The following CCDC171 variants were observed in gnomAD, a reference collection of about 807,000 sequenced individuals.
CCDC171 encodes coiled-coil domain containing 171.
Under a neutral mutation model 168.2 loss-of-function variants are expected in CCDC171, and 177 were observed. That is an observed-to-expected ratio of 1.05 (90% CI 0.93 to 1.19). CCDC171 has a LOEUF of 1.19. Among genes scored for constraint, CCDC171 ranks in the 50% most tolerant of loss-of-function variants. CCDC171 has a pLI of 0.00. For missense variants in CCDC171, 1,991 were observed against 1,539.0 expected (o/e 1.29, Z -4.91); for synonymous variants, 687 against 540.8 (o/e 1.27, Z -3.75).
intron 6 of CCDC171, among the ~76,000 whole-genome samples, chr9:15,614,296 C>G (rs760915422): frequency 1.3e-5 from 2 of 152,188 alleles, no homozygotes; most frequent in Non-Finnish European, 2.9e-5. Flanking sequence ...CTGTTCTTCT[C>G]TCCTTCCCCA....
chr9:15,703,699 G>A (rs1157280905), intron 11 of CCDC171, among the ~76,000 whole-genome samples: 3 of 152,182 alleles, frequency 2.0e-5, no homozygotes, highest in East Asian at 3.8e-4. Context: ...ATTGTGAATA[G>A]CACTGCAGTT....
At chr9:15,568,264 C>T (rs1381574638) in intron 2 of CCDC171, among the ~76,000 whole-genome samples, 1 of 145,854 alleles carries the variant, frequency 6.9e-6, no homozygotes, top group Non-Finnish European at 1.5e-5. Flanking sequence ...ATCTCCAATA[C>T]ATCTTTTTTT....
intron 7 of CCDC171, among the ~76,000 whole-genome samples, chr9:15,625,749 G>A (rs573917090): frequency 4.6e-5 from 7 of 152,238 alleles, no homozygotes; most frequent in East Asian, 1.9e-4. Flanking sequence ...GTCAGGTAGC[G>A]TGATGCCTCC....
intron 25 of CCDC171, among the ~76,000 whole-genome samples, chr9:15,929,618 C>G (rs1448815986): frequency 6.6e-6 from 1 of 151,740 alleles, no homozygotes; most frequent in Non-Finnish European, 1.5e-5. Context: ...ATCTCTTAGA[C>G]CCATCCTCTT....
At chr9:16,041,578 T>C (rs10738425), upstream of CCDC171, among the ~76,000 whole-genome samples, 61,511 of 152,094 alleles carry the variant, frequency 0.4, 14,031 homozygotes, top group East Asian at 0.73. Flanking sequence ...TAATTTATAT[T>C]TCTGAAATGT....
intron 24 of CCDC171, among the ~76,000 whole-genome samples, chr9:15,900,150 A>C (rs1175967400): frequency 6.6e-6 from 1 of 152,200 alleles, no homozygotes; most frequent in Non-Finnish European, 1.5e-5. Flanking sequence ...ATACCAGTAA[A>C]TGTAATGGAT....
chr9:15,663,608 CTT>C (rs56022914), intron 8 of CCDC171, among the ~76,000 whole-genome samples: 235 of 123,200 alleles, frequency 1.9e-3, no homozygotes, highest in Middle Eastern at 4.1e-3. Context: ...CTTTTTTTTT[CTT>C]TTTTTTTTTT....
chr9:15,554,694 C>G (rs1025872974), intron 1 of CCDC171, among the ~76,000 whole-genome samples: 1 of 152,110 alleles, frequency 6.6e-6, no homozygotes, highest in African/African-American at 2.4e-5. Context: ...GATTATGTAC[C>G]TATGCTGAGA....
chr9:15,682,907 A>G (rs2050134183), intron 10 of CCDC171, among the ~76,000 whole-genome samples: 1 of 152,018 alleles, frequency 6.6e-6, no homozygotes, highest in Non-Finnish European at 1.5e-5. Context: ...ATGCTGACTG[A>G]TCATGCTTAT....
chr9:15,582,246 T>C (rs2041182973), intron 4 of CCDC171, among the ~76,000 whole-genome samples: 1 of 152,250 alleles, frequency 6.6e-6, no homozygotes, highest in Admixed American at 6.5e-5. Context: ...TCACACCAGT[T>C]AGAATGGGGT....
intron 20 of CCDC171, among the ~76,000 whole-genome samples, chr9:15,780,259 A>G (rs1439514972): frequency 6.6e-6 from 1 of 152,220 alleles, no homozygotes; most frequent in Non-Finnish European, 1.5e-5. Flanking sequence ...TAAAGACACC[A>G]TAATTTTTCC....
At chr9:15,649,085 G>A (rs1302019994) in intron 7 of CCDC171, among the ~76,000 whole-genome samples, 1 of 152,032 alleles carries the variant, frequency 6.6e-6, no homozygotes, top group Admixed American at 6.6e-5. Flanking sequence ...GCTCTCAGAA[G>A]TAATACCACA....
At chr9:15,788,481 T>C (rs2135546208) in intron 21 of CCDC171, among the ~76,000 whole-genome samples, 1 of 126,444 alleles carries the variant, frequency 7.9e-6, no homozygotes, top group South Asian at 3.0e-4. Context: ...AATAAGATCA[T>C]GAGTAGAAGA....
At chr9:15,788,923 G>T (rs2058106528) in intron 21 of CCDC171, among the ~76,000 whole-genome samples, 1 of 151,974 alleles carries the variant, frequency 6.6e-6, no homozygotes, top group African/African-American at 2.4e-5. Context: ...ATGGCCTTTT[G>T]TTTTAATACA....
intron 24 of CCDC171, among the ~76,000 whole-genome samples, chr9:15,919,623 T>A (rs767275276): frequency 9.9e-5 from 15 of 151,650 alleles, no homozygotes; most frequent in Non-Finnish European, 1.8e-4. Context: ...TAAAATATGA[T>A]TAAACTGTGA....
chr9:15,880,964 A>T (rs62548680), intron 24 of CCDC171, among the ~76,000 whole-genome samples: 10,287 of 152,260 alleles, frequency 0.068, 450 homozygotes, highest in Middle Eastern at 0.14. Flanking sequence ...AACGAATTTG[A>T]TGGAAAAATA....
At chr9:16,075,524 A>G in the CCDC171 span, among the ~76,000 whole-genome samples, 1 of 152,136 alleles carries the variant, frequency 6.6e-6, no homozygotes, top group Admixed American at 6.5e-5. Flanking sequence ...TCTTTGGGCT[A>G]TAAACTCTGG....
At chr9:16,019,157 A>G (rs940744141) in intron 3 of CCDC171, among the ~76,000 whole-genome samples, 28 of 152,256 alleles carry the variant, frequency 1.8e-4, no homozygotes, top group East Asian at 3.9e-4. Flanking sequence ...GAAATTGTCA[A>G]TGGAATTGCA....
At chr9:15,904,122 A>T (rs891705838) in intron 24 of CCDC171, among the ~76,000 whole-genome samples, 18 of 152,188 alleles carry the variant, frequency 1.2e-4, no homozygotes, top group African/African-American at 4.1e-4. Context: ...ATACAGGAGA[A>T]CCTCCCCAAT....
Sources: gnomAD v4.1 joint callset for allele counts (sites outside exome capture counted in the v4.1 genomes callset) on GRCh38, gnomAD v4.1.1 for gene constraint, MANE v1.5 for transcripts, NCBI Gene and HGNC (gene_info 2026-07-23, HGNC 2026-07-21) for gene names.